Variants in YIPF4 observed in about 807,000 individuals in gnomAD.
The protein encoded by YIPF4 is protein YIPF4.
YIPF4 carries 18 observed loss-of-function variants against 29.4 expected under a neutral mutation model. The observed-to-expected ratio is 0.61, with a 90% confidence interval of 0.42 to 0.91. The LOEUF (loss-of-function observed/expected upper bound fraction) is 0.91, where lower values mean the gene tolerates loss of function less well. Among genes scored for constraint, YIPF4 ranks in the 40% least tolerant of loss-of-function variants. The pLI, the probability that YIPF4 is intolerant of heterozygous loss-of-function variation, is 0.00. For synonymous variants in YIPF4, 115 were observed against 104.7 expected (o/e 1.10, Z -0.60); for missense variants, 279 against 282.7 (o/e 0.99, Z 0.09).
At chr2:32,293,895 AC>A (rs1178999055) in intron 3 of YIPF4, among the ~76,000 whole-genome samples, 269 of 88,440 alleles carry the variant, frequency 3.0e-3, no homozygotes, top group Non-Finnish European at 4.0e-3. Context: ...CGGGGGGCTG[AC>A]CCCCCCCACC....
rs901961557 is a variant in YIPF4 at position 32,308,094 on chromosome 2, A to G, written c.*2468A>G. The G allele has an allele frequency of 6.6e-6, 1 of 151,814 alleles. No individual in the cohort carries two copies. The highest frequency in any genetic ancestry group is 2.4e-5 in the African/African-American group (1 of 41,344). The allele number at this position is 151,814 out of a possible 1,614,324, so 9.4% of individuals were successfully genotyped here. On this transcript the variant is annotated 3_prime_UTR_variant, in exon 6 of 6. Coordinates refer to ENST00000238831, the MANE Select transcript of YIPF4 (RefSeq NM_032312.4). The stretch of plus-strand genomic sequence containing the variant: ...CTAATTTTTTAAATAATGATTTCCA[A>G]TCTAATTATTAATTAGAATTTTGTT...
intron 4 of YIPF4, 60 bp from the exon 5 acceptor site, chr2:32,301,322 T>G: frequency 9.1e-7 from 1 of 1,098,186 alleles, no homozygotes; most frequent in Middle Eastern, 2.0e-4. Context: ...GTGTTCAATT[T>G]TGATTAAAAT....
chr2:32,283,560 CAA>C (rs1157502483), intron 1 of YIPF4, among the ~76,000 whole-genome samples: 1 of 152,162 alleles, frequency 6.6e-6, no homozygotes, highest in Non-Finnish European at 1.5e-5. Context: ...AGACTGAACT[CAA>C]ATGCTCTTTC....
chr2:32,297,119 G>GTTT (rs985029797), intron 3 of YIPF4, among the ~76,000 whole-genome samples: 39 of 150,326 alleles, frequency 2.6e-4, no homozygotes, highest in African/African-American at 9.0e-4. Flanking sequence ...GGAATCAACC[G>GTTT]TTTTTTTGTT....
intron 1 of YIPF4, among the ~76,000 whole-genome samples, chr2:32,282,949 T>C (rs1210351265): frequency 6.6e-6 from 1 of 151,346 alleles, no homozygotes; most frequent in Non-Finnish European, 1.5e-5. Flanking sequence ...TGGTGGCGGG[T>C]GCCTGTAGTC....
chr2:32,298,215 C>G lies in YIPF4; in HGVS notation c.406-19C>G. ...TTATTTGGTATAAAAATATTAATTG[C>G]ATGATTTTTCCCCCTAAGGTGGTCT... On this transcript the variant is annotated intron_variant, in intron 3 of 5. Transcript: ENST00000238831. 6.5e-7 allele frequency: 1 copy of G among 1,546,580 alleles called. No homozygotes were observed. The highest frequency in any genetic ancestry group is 8.9e-7 in the Non-Finnish European group (1 of 1,127,302).
intron 1 of YIPF4, among the ~76,000 whole-genome samples, chr2:32,287,741 A>T (rs955089655): frequency 6.6e-6 from 1 of 152,180 alleles, no homozygotes; most frequent in Admixed American, 6.5e-5. Context: ...TTTCAGTAAG[A>T]CTTGAAATTT....
In YIPF4 at chr2:32,299,866, T is replaced by C. The variant is rs553917586; in HGVS notation, c.484-1516T>C. 3.9e-5 allele frequency among the ~76,000 whole-genome samples: 6 copies of C among 152,194 alleles called. No individual in the cohort carries two copies. In the South Asian group the frequency reaches 1.0e-3, roughly 26 times the overall value. ...TGGGTGTGCTGGCGCATGCCTGTAGTCCCAGCTACTTGGGAGGCTGAGGCA... is the reference window on the plus strand; with the variant it reads ...TGGGTGTGCTGGCGCATGCCTGTAGCCCCAGCTACTTGGGAGGCTGAGGCA... On this transcript the variant is annotated intron_variant, in intron 4 of 5. Coordinates refer to ENST00000238831, the MANE Select transcript of YIPF4 (RefSeq NM_032312.4).
intron 1 of YIPF4, 23 bp from the exon 2 acceptor site, chr2:32,290,460 G>A: frequency 6.9e-7 from 1 of 1,458,324 alleles, no homozygotes; most frequent in Non-Finnish European, 9.1e-7. Context: ...AGTTTATATA[G>A]TTTTATCCTC....
intron 3 of YIPF4, among the ~76,000 whole-genome samples, chr2:32,294,957 C>T (rs1188664934): frequency 6.6e-6 from 1 of 151,534 alleles, no homozygotes; most frequent in African/African-American, 2.4e-5. Flanking sequence ...ATGGCAGGCA[C>T]TCGGCAGGCT....
intron 2 of YIPF4, among the ~76,000 whole-genome samples, chr2:32,291,756 A>G (rs904331023): frequency 3.3e-5 from 5 of 152,222 alleles, no homozygotes; most frequent in Admixed American, 2.6e-4. Context: ...GACAGTGGAT[A>G]AGATGTTGAA....
At position 32,290,468 on chromosome 2, in the gene YIPF4, C is replaced by A. The variant is rs376754632; in HGVS notation, c.80-15C>A. 2.7e-6 allele frequency: 4 copies of A among 1,466,566 alleles called. No individual in the cohort carries two copies. Among genetic ancestry groups the A allele is most frequent in the Middle Eastern group, 1.8e-4 (1 of 5,508 alleles). 90.8% of individuals were successfully genotyped at this position (1,466,566 alleles called of 1,614,324 possible). A position where few individuals can be genotyped will look rare whatever the true frequency, so the allele number is the denominator to read the frequency against. On this transcript the variant is annotated splice_polypyrimidine_tract_variant and intron_variant, in intron 1 of 5. Transcript: ENST00000238831. ...GTGCCTTAGTTTATATAGTTTTATC[C>A]TCTTTTCTCCTAAGATCTCAGTGGT...
At chr2:32,300,767 C>G (rs945498807) in intron 4 of YIPF4, among the ~76,000 whole-genome samples, 1 of 152,118 alleles carries the variant, frequency 6.6e-6, no homozygotes, top group African/African-American at 2.4e-5. Context: ...AACACTGACA[C>G]CTTACTAGCT....
chr2:32,282,408 A>G (rs78404737), intron 1 of YIPF4, among the ~76,000 whole-genome samples: 9,999 of 152,142 alleles, frequency 0.066, 503 homozygotes, highest in Non-Finnish European at 0.1. Flanking sequence ...TCTCCATGTG[A>G]TCTTGGGCAA....
intron 3 of YIPF4, among the ~76,000 whole-genome samples, chr2:32,297,604 T>C (rs2031246497): frequency 6.6e-6 from 1 of 151,964 alleles, no homozygotes. Flanking sequence ...CTGGTCTCTA[T>C]TAAATAAATA....
chr2:32,303,667 CAGTG>C (rs2031481293), intron 5 of YIPF4, among the ~76,000 whole-genome samples: 1 of 152,174 alleles, frequency 6.6e-6, no homozygotes, highest in Non-Finnish European at 1.5e-5. Context: ...GTGTAGGTGA[CAGTG>C]AGACCTTGTC....
chr2:32,285,008 A>G (rs1558474154), intron 1 of YIPF4, among the ~76,000 whole-genome samples: 3 of 152,174 alleles, frequency 2.0e-5, no homozygotes, highest in Non-Finnish European at 4.4e-5. Context: ...TCTCCGGGGT[A>G]CAGTGAAGAG....
chr2:32,299,607 C>T (rs1009837757), intron 4 of YIPF4, among the ~76,000 whole-genome samples: 5 of 150,928 alleles, frequency 3.3e-5, no homozygotes, highest in Admixed American at 2.0e-4. Context: ...GGATCACTTG[C>T]GCCCAGGAGT....
At position 32,311,149 on chromosome 2, in the gene YIPF4, A is replaced by G. The variant is rs562204225; in HGVS notation, c.*5523A>G. 5.3e-5 allele frequency: 8 copies of G among 152,296 alleles called. No individual in the cohort carries two copies. In the South Asian group the frequency reaches 1.7e-3, roughly 32 times the overall value. 9.4% of individuals were successfully genotyped at this position (152,296 alleles called of 1,614,324 possible). On this transcript the variant is annotated 3_prime_UTR_variant, in exon 6 of 6. Coordinates refer to ENST00000238831, the MANE Select transcript of YIPF4 (RefSeq NM_032312.4). ...GCACTCCAGCCTGGGCAACATAGTAAGTAAGACCTTGTCTCTTAAAAAAAA... is the reference window on the plus strand; with the variant it reads ...GCACTCCAGCCTGGGCAACATAGTAGGTAAGACCTTGTCTCTTAAAAAAAA...
Sources: gnomAD v4.1 joint callset for allele counts (sites outside exome capture counted in the v4.1 genomes callset) on GRCh38, gnomAD v4.1.1 for gene constraint, MANE v1.5 for transcripts, NCBI Gene and HGNC (gene_info 2026-07-23, HGNC 2026-07-21) for gene names.